Variants in PCDHGA12 observed in about 807,000 individuals in gnomAD.
PCDHGA12 encodes the protein protocadherin gamma-A12.
Under a neutral mutation model 61.1 loss-of-function variants are expected in PCDHGA12, and 43 were observed. That is an observed-to-expected ratio of 0.70 (90% confidence interval 0.55 to 0.91). The LOEUF (loss-of-function observed/expected upper bound fraction) is 0.91, where lower values mean the gene tolerates loss of function less well. Among genes scored for constraint, PCDHGA12 ranks in the 40% least tolerant of loss-of-function variants. The probability of loss-of-function intolerance (pLI) is 0.00; values close to 1 mark genes in which losing one functional copy is unlikely to be tolerated. For missense variants in PCDHGA12, 1,236 were observed against 1,227.7 expected (o/e 1.01, Z -0.10); for synonymous variants, 520 against 542.9 (o/e 0.96, Z 0.59).
In PCDHGA12 at chr5:141,460,596, C is replaced by A. The variant is rs930441447; in HGVS notation, c.2424+27413C>A. On this transcript the variant is annotated intron_variant, in intron 1 of 3. Transcript: ENST00000252085. ...TGTAGGTGTGGGTTTTTTCTGGGCT[C>A]TCTGTGTTAGATGGATAGATAGACA... Among the ~76,000 whole-genome samples the A allele has an allele frequency of 1.3e-5, 2 of 151,986 alleles. 1 individual carries two copies. The highest frequency in any genetic ancestry group is 4.1e-4 in the South Asian group (2 of 4,824).
intron 1 of PCDHGA12, among the ~76,000 whole-genome samples, chr5:141,444,402 C>A (rs916833331): frequency 6.6e-6 from 1 of 151,932 alleles, no homozygotes; most frequent in Admixed American, 6.6e-5. Flanking sequence ...AACTCCCAAC[C>A]TCAGGTGATC....
chr5:141,486,879 G>A lies in PCDHGA12; in HGVS notation c.2425-7928G>A, dbSNP rs1371072899. 7 of 1,614,228 alleles carry A rather than the reference G, an allele frequency of 4.3e-6. No homozygotes were observed. Among genetic ancestry groups the A allele is most frequent in the Non-Finnish European group, 4.2e-6 (5 of 1,180,046 alleles). On this transcript the variant is annotated intron_variant, in intron 1 of 3. Coordinates refer to ENST00000252085, the MANE Select transcript of PCDHGA12 (RefSeq NM_003735.3). The surrounding 1 kb of genome is among the most constrained non-coding windows in gnomAD (Gnocchi z 5.0). Reference sequence around the variant, plus strand: ...AATGCTCCAGCTGTGCTCCGTCCTCGGGCCCGGCCTGGTTCCTTATGTCCC... The same window carrying A: ...AATGCTCCAGCTGTGCTCCGTCCTCAGGCCCGGCCTGGTTCCTTATGTCCC...
At chr5:141,508,700 CCT>C in intron 3 of PCDHGA12, among the ~76,000 whole-genome samples, 1 of 152,158 alleles carries the variant, frequency 6.6e-6, no homozygotes, top group Non-Finnish European at 1.5e-5. Flanking sequence ...CCGTGTTCCT[CCT>C]CATTCTTTTC....
chr5:141,462,883 A>T (rs557432183), intron 1 of PCDHGA12, among the ~76,000 whole-genome samples: 9 of 152,230 alleles, frequency 5.9e-5, no homozygotes, highest in African/African-American at 2.2e-4. Context: ...GAACTATTGC[A>T]GTTTGTTTTG....
At chr5:141,468,402 T>A (rs2154569909) in intron 1 of PCDHGA12, 1 of 150,014 alleles carries the variant, frequency 6.7e-6, no homozygotes, top group East Asian at 2.0e-4. Context: ...TGGTGAGAAC[T>A]AATAATAAGT....
At chr5:141,435,800 A>G (rs530461064) in intron 1 of PCDHGA12, among the ~76,000 whole-genome samples, 20 of 152,128 alleles carry the variant, frequency 1.3e-4, no homozygotes, top group Non-Finnish European at 2.6e-4. Flanking sequence ...ATAACGTCCC[A>G]ATTATTTTTT....
intron 1 of PCDHGA12, 84 bp from the exon 2 acceptor site, chr5:141,494,723 C>T: frequency 1.9e-6 from 3 of 1,606,114 alleles, no homozygotes; most frequent in Non-Finnish European, 2.6e-6. Flanking sequence ...TCCCCTCCTT[C>T]TCTCCCGGCC....
Position 141,477,099 on chromosome 5 carries a change from G to C in PCDHGA12, c.2425-17708G>C. On this transcript the variant is annotated intron_variant, in intron 1 of 3. Transcript: ENST00000252085. This position sits in a 1 kb window ranked among gnomAD's most constrained non-coding sequence, Gnocchi z 4.9. ...ATTTACATCCAGGCCAAAGACAAGG[G>C]CGCCAATCCCGAAGGAGCACATTGC... 6.2e-7 allele frequency: 1 copy of C among 1,614,256 alleles called. No individual in the cohort carries two copies. Among genetic ancestry groups the C allele is most frequent in the Non-Finnish European group, 8.5e-7 (1 of 1,180,054 alleles).
At chr5:141,448,802 A>G (rs897172074) in intron 1 of PCDHGA12, among the ~76,000 whole-genome samples, 14 of 152,044 alleles carry the variant, frequency 9.2e-5, no homozygotes, top group Non-Finnish European at 1.8e-4. Flanking sequence ...AAAATTAGCC[A>G]GGCGTGATGG....
chr5:141,490,042 G>C lies in PCDHGA12; in HGVS notation c.2425-4765G>C. 1 of 1,614,266 alleles carries C rather than the reference G, an allele frequency of 6.2e-7. No individual in the cohort carries two copies. Among genetic ancestry groups the C allele is most frequent in the Non-Finnish European group, 8.5e-7 (1 of 1,180,038 alleles). The stretch of plus-strand genomic sequence containing the variant: ...TCTGCTGCTCCGCCTCAATGCCACT[G>C]ATCCAGACGAGGGCACCAACGGCCA... On this transcript the variant is annotated intron_variant, in intron 1 of 3. Coordinates refer to ENST00000252085, the MANE Select transcript of PCDHGA12 (RefSeq NM_003735.3). This position sits in a 1 kb window ranked among gnomAD's most constrained non-coding sequence, Gnocchi z 5.4.
chr5:141,490,480 C>A lies in PCDHGA12; in HGVS notation c.2425-4327C>A, dbSNP rs564439931. ...GCTGCTAACCAGCCAGCCTTTGGAC[C>A]GGGAGGCCACATCCCACTATATCAT... On this transcript the variant is annotated intron_variant, in intron 1 of 3. Transcript: ENST00000252085. The surrounding 1 kb of genome is among the most constrained non-coding windows in gnomAD (Gnocchi z 5.4). 2.5e-5 allele frequency: 40 copies of A among 1,614,076 alleles called. No homozygotes were observed. The highest frequency in any genetic ancestry group is 5.9e-6 in the Non-Finnish European group (7 of 1,180,058).
intron 1 of PCDHGA12, among the ~76,000 whole-genome samples, chr5:141,464,397 C>T (rs1352852782): frequency 1.3e-5 from 2 of 150,158 alleles, no homozygotes; most frequent in Non-Finnish European, 3.0e-5. Context: ...TAATGAAGAA[C>T]CTGAGATATA....
Position 141,443,643 on chromosome 5 carries a change from A to C in PCDHGA12, c.2424+10460A>C, listed in dbSNP as rs188777289. The stretch of plus-strand genomic sequence containing the variant: ...GTGATTGTAAAAATTGATCCAGATA[A>C]TGTTAGCATAGCATTTTACTGAACT... On this transcript the variant is annotated intron_variant, in intron 1 of 3. Coordinates refer to ENST00000252085, the MANE Select transcript of PCDHGA12 (RefSeq NM_003735.3). Among the ~76,000 whole-genome samples, 238 of 152,370 alleles carry C rather than the reference A, an allele frequency of 1.6e-3. 2 individuals are homozygous for C. The highest frequency in any genetic ancestry group is 2.5e-3 in the Non-Finnish European group (169 of 68,028).
intron 2 of PCDHGA12, among the ~76,000 whole-genome samples, chr5:141,501,290 T>TACACATACAC (rs1224133816): frequency 4.6e-4 from 62 of 136,246 alleles, no homozygotes; most frequent in Admixed American, 7.0e-4. Flanking sequence ...TATTCCCTTA[T>TACACATACAC]ACACACACAC....
At position 141,489,494 on chromosome 5, in the gene PCDHGA12, C is replaced by A. The variant is rs1191408769; in HGVS notation, c.2425-5313C>A. ...CTGAGCTTGATGAGTGGTGCCCTGGCAGTGAATCAAAAGATTGACCGAGAA... is the reference window on the plus strand; with the variant it reads ...CTGAGCTTGATGAGTGGTGCCCTGGAAGTGAATCAAAAGATTGACCGAGAA... On this transcript the variant is annotated intron_variant, in intron 1 of 3. Coordinates refer to ENST00000252085, the MANE Select transcript of PCDHGA12 (RefSeq NM_003735.3). This position sits in a 1 kb window ranked among gnomAD's most constrained non-coding sequence, Gnocchi z 4.5. 1.1e-5 allele frequency: 18 copies of A among 1,613,932 alleles called. No individual in the cohort carries two copies. The highest frequency in any genetic ancestry group is 1.7e-5 in the Admixed American group (1 of 59,998).
At chr5:141,500,809 A>G (rs1018522111) in intron 2 of PCDHGA12, among the ~76,000 whole-genome samples, 1 of 152,324 alleles carries the variant, frequency 6.6e-6, no homozygotes, top group African/African-American at 2.4e-5. Context: ...CCTCATATGA[A>G]TATACATATT....
At position 141,511,426 on chromosome 5, in the gene PCDHGA12, G is replaced by C. The variant is rs2099883789; in HGVS notation, c.*253G>C. 2.5e-6 allele frequency: 2 copies of C among 798,652 alleles called. No homozygotes were observed. The highest frequency in any genetic ancestry group is 3.8e-6 in the Non-Finnish European group (2 of 529,972). 49.5% of individuals were successfully genotyped at this position (798,652 alleles called of 1,614,324 possible). ...CAACTGCTGTACCCATGGGGGTAGTGGGGTTACTGTAGACACCAAGAACCA... is the reference window on the plus strand; with the variant it reads ...CAACTGCTGTACCCATGGGGGTAGTCGGGTTACTGTAGACACCAAGAACCA... On this transcript the variant is annotated 3_prime_UTR_variant, in exon 4 of 4. Transcript: ENST00000252085.
intron 2 of PCDHGA12, among the ~76,000 whole-genome samples, chr5:141,501,476 A>T (rs1274017343): frequency 3.3e-5 from 5 of 152,044 alleles, no homozygotes; most frequent in Admixed American, 3.3e-4. Context: ...ATCCTGGAAG[A>T]GTCCCTCATA....
chr5:141,490,874 A>C lies in PCDHGA12; in HGVS notation c.2425-3933A>C. 1 of 1,613,948 alleles carries C rather than the reference A, an allele frequency of 6.2e-7. No homozygotes were observed. The highest frequency in any genetic ancestry group is 1.3e-5 in the African/African-American group (1 of 75,054). The stretch of plus-strand genomic sequence containing the variant: ...CGAGACTCCGGCTCTCCCCCATTGC[A>C]TGCCAACACATCTCTGCATGTGTTT... On this transcript the variant is annotated intron_variant, in intron 1 of 3. Coordinates refer to ENST00000252085, the MANE Select transcript of PCDHGA12 (RefSeq NM_003735.3). The surrounding 1 kb of genome is among the most constrained non-coding windows in gnomAD (Gnocchi z 5.4).
Sources: gnomAD v4.1 joint callset for allele counts (sites outside exome capture counted in the v4.1 genomes callset) on GRCh38, gnomAD v4.1.1 for gene constraint, Gnocchi (gnomAD v3.1) non-coding constraint, MANE v1.5 for transcripts, NCBI Gene and HGNC (gene_info 2026-07-23, HGNC 2026-07-21) for gene names.